Variants in KATNAL2 observed in about 807,000 individuals in gnomAD.
KATNAL2 encodes katanin catalytic subunit A1 like 2.
In KATNAL2, 52 loss-of-function variants were observed where a neutral mutation model predicts 76.3. The observed-to-expected ratio is 0.68, with a 90% confidence interval of 0.55 to 0.86. The LOEUF (loss-of-function observed/expected upper bound fraction) is 0.86. Among genes scored for constraint, KATNAL2 ranks in the 40% least tolerant of loss-of-function variants. The pLI is 0.00. For synonymous variants in KATNAL2, 243 were observed against 244.2 expected, an observed-to-expected ratio of 1.00 and a Z score of 0.05; for missense variants, 660 against 668.9, an observed-to-expected ratio of 0.99 and a Z score of 0.15.
rs139792978 is a variant in KATNAL2, at chr18:46,948,716, C to T, written c.51+1793C>T. Among the ~76,000 whole-genome samples the T allele has an allele frequency of 3.9e-3, 595 of 152,140 alleles. 16 individuals are homozygous for T. The highest frequency in any genetic ancestry group is 0.035 in the Admixed American group (526 of 15,238). On this transcript the variant is annotated intron_variant, in intron 3 of 17. Coordinates refer to ENST00000683218, the MANE Select transcript of KATNAL2 (RefSeq NM_001387690.1). Reference sequence around the variant, plus strand: ...GTGCTGGGATTACAAGCATGAGCCACCATGCTCGGCCAAACTTCTAATACT... The same window carrying T: ...GTGCTGGGATTACAAGCATGAGCCATCATGCTCGGCCAAACTTCTAATACT...
chr18:46,919,902 G>T (rs1349327224), intron 1 of KATNAL2, among the ~76,000 whole-genome samples: 1 of 152,166 alleles, frequency 6.6e-6, no homozygotes, highest in Non-Finnish European at 1.5e-5. Flanking sequence ...ACATTGTTTA[G>T]TAGGCTTTAA....
chr18:46,956,832 C>G (rs953356643), intron 3 of KATNAL2, among the ~76,000 whole-genome samples: 1 of 151,936 alleles, frequency 6.6e-6, no homozygotes, highest in East Asian at 1.9e-4. Flanking sequence ...CACCTGAGGT[C>G]AGGAGTTCCA....
chr18:47,081,860 A>G (rs1165157448), intron 15 of KATNAL2, among the ~76,000 whole-genome samples: 1 of 152,228 alleles, frequency 6.6e-6, no homozygotes, highest in Admixed American at 6.5e-5. Context: ...TTCAGAGATT[A>G]CAGTCTCACA....
In KATNAL2 at chr18:47,100,994, G is replaced by C. The variant is rs762261015; in HGVS notation, c.1606G>C (p.Glu536Gln). The C allele has an allele frequency of 2.5e-5, 40 of 1,613,912 alleles. No individual in the cohort carries two copies. The highest frequency in any genetic ancestry group is 2.9e-5 in the Non-Finnish European group (34 of 1,179,996). ...QRYSDWQREF[E>Q]SV is the part of the protein sequence containing the mutation. ...ATACTCAGACTGGCAAAGAGAGTTC[G>C]AGTCTGTCTGAAACCACATTTACCC... Residue 536 changes from glutamate to glutamine, a missense_variant, in exon 18 of 18, where the codon GAG (glutamate) becomes CAG (glutamine). Coordinates refer to ENST00000683218, the MANE Select transcript of KATNAL2 (RefSeq NM_001387690.1).
intron 3 of KATNAL2, chr18:47,034,381 G>C (rs150224148): frequency 6.2e-7 from 1 of 1,614,036 alleles, no homozygotes; most frequent in Non-Finnish European, 8.5e-7. Flanking sequence ...CTCCAAGGCA[G>C]GGACACGCTG....
intron 15 of KATNAL2, among the ~76,000 whole-genome samples, chr18:47,080,144 C>T (rs1002487510): frequency 6.6e-6 from 1 of 152,198 alleles, no homozygotes; most frequent in African/African-American, 2.4e-5. Flanking sequence ...ATAGTTCATA[C>T]TAGAAAAGCA....
At chr18:46,956,879 C>T (rs1453806922) in intron 3 of KATNAL2, among the ~76,000 whole-genome samples, 1 of 151,862 alleles carries the variant, frequency 6.6e-6, no homozygotes, top group Admixed American at 6.6e-5. Flanking sequence ...CCCATCTCTA[C>T]TACAAATACA....
chr18:47,046,334 G>T (rs547814259), intron 3 of KATNAL2, 123 bp from the exon 4 acceptor site: 4 of 666,210 alleles, frequency 6.0e-6, no homozygotes, highest in African/African-American at 3.6e-5. Context: ...ACTTCAAATT[G>T]CTTTCCAGCC....
chr18:47,034,550 C>T (rs1218319916), intron 3 of KATNAL2: 4 of 1,614,116 alleles, frequency 2.5e-6, no homozygotes, highest in African/African-American at 2.7e-5. Context: ...TCTCCCTGGG[C>T]ACACAAGGGG....
At chr18:46,926,160 CT>C (rs1027878047) in intron 1 of KATNAL2, among the ~76,000 whole-genome samples, 5 of 152,076 alleles carry the variant, frequency 3.3e-5, no homozygotes, top group Non-Finnish European at 7.4e-5. Context: ...TTTTCTAGTT[CT>C]TTTAATTGTG....
intron 1 of KATNAL2, among the ~76,000 whole-genome samples, chr18:46,928,652 A>G (rs2058807814): frequency 6.6e-6 from 1 of 152,040 alleles, no homozygotes; most frequent in Non-Finnish European, 1.5e-5. Context: ...TGCATCACTC[A>G]CGCTGGGAGA....
rs146935586 is a variant in KATNAL2, at chr18:47,032,817, G to C, written c.52-13640G>C. The stretch of plus-strand genomic sequence containing the variant: ...AATTCTGAGGTGTTCTCCAAGCTGG[G>C]AGGTAGTGGCTGGGTGTGGGAGGCA... On this transcript the variant is annotated intron_variant, in intron 3 of 17. Transcript: ENST00000683218. 7.4e-5 allele frequency: 77 copies of C among 1,045,084 alleles called. 1 individual carries two copies. The African/African-American group carries it at 1.1e-3, about 15-fold the overall frequency. 64.7% of individuals were successfully genotyped at this position (1,045,084 alleles called of 1,614,324 possible).
At position 47,052,915 on chromosome 18, in the gene KATNAL2, C is replaced by T; in HGVS notation, c.158C>T (p.Thr53Ile). The T allele has an allele frequency of 1.2e-6, 2 of 1,611,564 alleles. No individual in the cohort carries two copies. Among genetic ancestry groups the T allele is most frequent in the Non-Finnish European group, 8.5e-7 (1 of 1,179,212 alleles). ...IDTANALEQE[T>I]KLGLRRFEVC... ...ACAGCAAATGCTTTGGAGCAAGAAA[C>T]TAAACTGGGGTTACGACGGTTTGAA... The change falls in exon 5 of 18, where the codon ACT becomes ATT. Residue 53 changes from threonine to isoleucine, a missense_variant. Coordinates refer to ENST00000683218, the MANE Select transcript of KATNAL2 (RefSeq NM_001387690.1).
chr18:47,040,658 G>A (rs1259788055), intron 3 of KATNAL2, among the ~76,000 whole-genome samples: 1 of 152,158 alleles, frequency 6.6e-6, no homozygotes, highest in African/African-American at 2.4e-5. Context: ...TATAGGCTGG[G>A]TGGAATGGTG....
At chr18:46,933,774 A>G (rs1299574768) in intron 1 of KATNAL2, among the ~76,000 whole-genome samples, 2 of 104 alleles carry the variant, frequency 0.019, no homozygotes, top group Admixed American at 0.17. Flanking sequence ...ATATCCCCTA[A>G]TGGCTATCCC....
intron 3 of KATNAL2, among the ~76,000 whole-genome samples, chr18:47,042,610 A>G (rs1321276228): frequency 6.6e-6 from 1 of 152,214 alleles, no homozygotes; most frequent in Non-Finnish European, 1.5e-5. Context: ...GCTCCTGGAA[A>G]TTAAAAATGT....
rs567062659 is a variant in KATNAL2 at position 46,940,385 on chromosome 18, G to A, written c.-509-5672G>A. On this transcript the variant is annotated intron_variant, in intron 1 of 17. Transcript: ENST00000683218. ...TTAGTCTTACATTCCAACAATCTTT[G>A]GCAGAGAGGATATATACCAACACAG... 1.1e-3 allele frequency among the ~76,000 whole-genome samples: 164 copies of A among 152,326 alleles called. 1 individual carries two copies. The highest frequency in any genetic ancestry group is 2.0e-3 in the Non-Finnish European group (134 of 68,034).
intron 15 of KATNAL2, among the ~76,000 whole-genome samples, chr18:47,083,089 GAA>G (rs2062606278): frequency 6.6e-6 from 1 of 152,170 alleles, no homozygotes; most frequent in Non-Finnish European, 1.5e-5. Flanking sequence ...AAATAACACT[GAA>G]ATGAATTTCC....
At chr18:47,034,310 T>C in intron 3 of KATNAL2, 2 of 1,613,226 alleles carry the variant, frequency 1.2e-6, no homozygotes, top group Non-Finnish European at 1.7e-6. Context: ...CCGTCTAGAC[T>C]GGGCCTCTTC....
Sources: allele counts gnomAD v4.1 joint callset (sites outside exome capture counted in the v4.1 genomes callset), GRCh38; gene constraint gnomAD v4.1.1; transcripts MANE v1.5; gene names NCBI Gene and HGNC (gene_info 2026-07-23, HGNC 2026-07-21).